The following MSRA variants were observed in gnomAD, a reference collection of about 807,000 sequenced individuals.
MSRA encodes the protein methionine sulfoxide reductase A, also known as mitochondrial peptide methionine sulfoxide reductase.
MSRA carries 54 observed loss-of-function variants against 31.3 expected under a neutral mutation model. The ratio of observed to expected loss-of-function variants is 1.73; its 90% CI spans 1.39 to 2.17. The LOEUF (loss-of-function observed/expected upper bound fraction) is 2.17, where lower values mean the gene tolerates loss of function less well. Among genes scored for constraint, MSRA ranks in the 30% most tolerant of loss-of-function variants. The pLI, the probability that MSRA is intolerant of heterozygous loss-of-function variation, is 0.00. For missense variants in MSRA, 507 were observed against 300.9 expected (o/e 1.69, Z -5.07); for synonymous variants, 169 against 116.5 (o/e 1.45, Z -2.90).
intron 5 of MSRA, among the ~76,000 whole-genome samples, chr8:10,388,793 T>G (rs2129178255): frequency 6.6e-6 from 1 of 151,996 alleles, no homozygotes; most frequent in South Asian, 2.1e-4. Context: ...GTTCTACGCA[T>G]GATGGGATGT....
chr8:10,275,108 C>G (rs989608339), intron 3 of MSRA, among the ~76,000 whole-genome samples: 1 of 148,348 alleles, frequency 6.7e-6, no homozygotes, highest in African/African-American at 2.6e-5. Context: ...TGCTGCCTTT[C>G]ATATTCCAGG....
chr8:10,307,690 A>C (rs1801215577), intron 4 of MSRA, among the ~76,000 whole-genome samples: 1 of 152,104 alleles, frequency 6.6e-6, no homozygotes, highest in African/African-American at 2.4e-5. Flanking sequence ...GGATGCGTGG[A>C]GCTTTTGTGG....
chr8:10,121,155 G>T (rs1055231784), intron 1 of MSRA, among the ~76,000 whole-genome samples: 2 of 152,146 alleles, frequency 1.3e-5, no homozygotes, highest in Non-Finnish European at 1.5e-5. Flanking sequence ...TAAGTTTGTC[G>T]ATGGTAGGCA....
At position 10,221,054 on chromosome 8, in the gene MSRA, T is replaced by A. The variant is rs116414362; in HGVS notation, c.211+13153T>A. Reference sequence around the variant, plus strand: ...CACTGACAGCTCTGCAGTACAGATATGCAGTGGGATGGCCACATGATGGGG... The same window carrying A: ...CACTGACAGCTCTGCAGTACAGATAAGCAGTGGGATGGCCACATGATGGGG... On this transcript the variant is annotated intron_variant, in intron 2 of 5. Transcript: ENST00000317173. 1.8e-3 allele frequency among the ~76,000 whole-genome samples: 278 copies of A among 152,272 alleles called. 2 individuals carry two copies. Among genetic ancestry groups the A allele is most frequent in the African/African-American group, 6.4e-3 (268 of 41,558 alleles).
At chr8:10,193,198 A>G (rs976866223) in intron 1 of MSRA, among the ~76,000 whole-genome samples, 13 of 152,196 alleles carry the variant, frequency 8.5e-5, no homozygotes, top group Non-Finnish European at 1.5e-4. Flanking sequence ...CTAGAATTCT[A>G]GGGTCTTATT....
At chr8:10,109,514 T>G (rs553932786) in intron 1 of MSRA, among the ~76,000 whole-genome samples, 2 of 151,994 alleles carry the variant, frequency 1.3e-5, no homozygotes, top group East Asian at 3.9e-4. Flanking sequence ...AGCTAATTAT[T>G]TGTATTTTTG....
intron 5 of MSRA, among the ~76,000 whole-genome samples, chr8:10,409,562 A>G (rs1808030842): frequency 6.6e-6 from 1 of 152,188 alleles, no homozygotes; most frequent in Non-Finnish European, 1.5e-5. Context: ...AATGCAGCAG[A>G]TACTACTGTG....
chr8:10,073,215 T>G (rs1166101294), intron 1 of MSRA, among the ~76,000 whole-genome samples: 1 of 152,206 alleles, frequency 6.6e-6, no homozygotes, highest in Non-Finnish European at 1.5e-5. Context: ...GCATTCAGCC[T>G]TTCACTAAAC....
chr8:10,384,602 C>A (rs140209490), intron 5 of MSRA, among the ~76,000 whole-genome samples: 1 of 152,296 alleles, frequency 6.6e-6, no homozygotes, highest in Non-Finnish European at 1.5e-5. Context: ...GACACAGGCA[C>A]GAGTAGGTAT....
intron 4 of MSRA, among the ~76,000 whole-genome samples, chr8:10,305,031 T>A (rs551783594): frequency 1.6e-4 from 25 of 152,346 alleles, no homozygotes; most frequent in African/African-American, 5.8e-4. Context: ...CCAGGAAACA[T>A]GATTTCCACA....
intron 1 of MSRA, among the ~76,000 whole-genome samples, chr8:10,170,982 GA>G (rs1191834326): frequency 3.9e-5 from 6 of 152,196 alleles, no homozygotes; most frequent in Non-Finnish European, 5.9e-5. Flanking sequence ...GGTGAGAGTG[GA>G]TATCTTCCCC....
chr8:10,121,367 T>G (rs150917010), intron 1 of MSRA, among the ~76,000 whole-genome samples: 2,352 of 152,220 alleles, frequency 0.015, 24 homozygotes, highest in Non-Finnish European at 0.022. Flanking sequence ...GGCTGGAGAT[T>G]GTGATTTTTG....
chr8:10,096,382 G>A (rs1799156980), intron 1 of MSRA: 1 of 831,818 alleles, frequency 1.2e-6, no homozygotes, highest in Non-Finnish European at 1.5e-6. Context: ...GGTGGGTGGG[G>A]AGGTGTCTAT....
chr8:10,115,691 T>C (rs1394153924), intron 1 of MSRA, among the ~76,000 whole-genome samples: 1 of 152,060 alleles, frequency 6.6e-6, no homozygotes, highest in Non-Finnish European at 1.5e-5. Context: ...GAGATTTCCA[T>C]TCATGATTAA....
At chr8:10,187,701 C>T (rs1693464299) in intron 1 of MSRA, among the ~76,000 whole-genome samples, 1 of 152,142 alleles carries the variant, frequency 6.6e-6, no homozygotes, top group African/African-American at 2.4e-5. Flanking sequence ...TAGTTATTTG[C>T]TATTATTGTT....
chr8:10,158,895 T>C (rs1804400716), intron 1 of MSRA, among the ~76,000 whole-genome samples: 2 of 152,200 alleles, frequency 1.3e-5, no homozygotes, highest in Admixed American at 1.3e-4. Context: ...CTTGCTGTTG[T>C]CTGTGTTTTT....
chr8:10,392,951 A>G (rs899636818), intron 5 of MSRA, among the ~76,000 whole-genome samples: 4 of 148,456 alleles, frequency 2.7e-5, no homozygotes, highest in African/African-American at 7.5e-5. Flanking sequence ...AGTCCCAGCT[A>G]CTCGGCAGGC....
intron 5 of MSRA, among the ~76,000 whole-genome samples, chr8:10,408,252 A>T (rs866629589): frequency 6.6e-6 from 1 of 152,180 alleles, no homozygotes; most frequent in Non-Finnish European, 1.5e-5. Flanking sequence ...AAAGAGGAAC[A>T]TGGGCTGGGC....
intron 5 of MSRA, among the ~76,000 whole-genome samples, chr8:10,419,011 A>G (rs6601457): frequency 0.99 from 151,179 of 152,128 alleles, 75,124 homozygotes; most frequent in Middle Eastern, 1. Flanking sequence ...CTAAGGCGGG[A>G]GGTGAATACA....
Sources: allele counts gnomAD v4.1 joint callset (sites outside exome capture counted in the v4.1 genomes callset), GRCh38; gene constraint gnomAD v4.1.1; transcripts MANE v1.5; gene names NCBI Gene and HGNC (gene_info 2026-07-23, HGNC 2026-07-21).